Variants in TXNDC16 observed in about 807,000 individuals in gnomAD.
The protein encoded by TXNDC16 is thioredoxin domain containing 16, also known as thioredoxin domain-containing protein 16.
In TXNDC16, 74 loss-of-function variants were observed where a neutral mutation model predicts 85.6. That is an observed-to-expected ratio of 0.86 (90% CI 0.72 to 1.05). The LOEUF is 1.05. Ranked by LOEUF, TXNDC16 falls within the 50% of genes least tolerant of loss-of-function variation. The probability of loss-of-function intolerance (pLI) is 0.00; values close to 1 mark genes in which losing one functional copy is unlikely to be tolerated. For synonymous variants in TXNDC16, 335 were observed against 326.5 expected (o/e 1.03, Z -0.28); for missense variants, 959 against 947.0 (o/e 1.01, Z -0.17).
intron 18 of TXNDC16, among the ~76,000 whole-genome samples, chr14:52,446,252 T>C (rs985452760): frequency 6.6e-6 from 1 of 152,206 alleles, no homozygotes; most frequent in Non-Finnish European, 1.5e-5. Flanking sequence ...AGAATCTATG[T>C]GTTTGGGAGA....
intron 6 of TXNDC16, among the ~76,000 whole-genome samples, chr14:52,530,280 T>TA (rs2037485032): frequency 2.1e-4 from 12 of 57,208 alleles, no homozygotes; most frequent in East Asian, 7.3e-4. Flanking sequence ...TATTATTTAA[T>TA]ATATAATTAT....
At chr14:52,534,773 T>C (rs2037661678) in intron 6 of TXNDC16, among the ~76,000 whole-genome samples, 2 of 152,244 alleles carry the variant, frequency 1.3e-5, no homozygotes, top group African/African-American at 4.8e-5. Context: ...CAACACTAAA[T>C]TCCTACAGAA....
At chr14:52,546,875 A>G (rs1176140223) in intron 1 of TXNDC16, among the ~76,000 whole-genome samples, 2 of 152,230 alleles carry the variant, frequency 1.3e-5, no homozygotes, top group Admixed American at 6.5e-5. Flanking sequence ...TTTATCAGAG[A>G]CTGGAGCTAA....
At chr14:52,457,627 G>C (rs527659178) in intron 16 of TXNDC16, among the ~76,000 whole-genome samples, 129 of 152,236 alleles carry the variant, frequency 8.5e-4, no homozygotes, top group African/African-American at 3.1e-3. Context: ...GAAAATTCTA[G>C]CCCTCTAACA....
chr14:52,493,216 T>TATATATATATATATATATATAC, intron 9 of TXNDC16, among the ~76,000 whole-genome samples: 115 of 115,886 alleles, frequency 9.9e-4, no homozygotes, highest in African/African-American at 3.8e-3. Flanking sequence ...TATATATATA[T>TATATATATATATATATATATAC]ACACACACAC....
At position 52,440,721 on chromosome 14, in the gene TXNDC16, C is replaced by A; in HGVS notation, c.1846G>T (p.Glu616Ter). The A allele has an allele frequency of 6.2e-7, 1 of 1,603,526 alleles. No homozygotes were observed. The highest frequency in any genetic ancestry group is 8.5e-7 in the Non-Finnish European group (1 of 1,177,022). The change falls in exon 19 of 21, where the codon GAA (glutamate) becomes TAA (stop). Residue 616 changes from glutamate (E) to a stop codon, truncating the protein, a stop_gained. Transcript: ENST00000281741. LOFTEE classifies it high-confidence loss of function. ...ITDALLEMFP[E>*]ITVENLPSYF... Reference sequence around the variant, plus strand: ...CTGGGAAGATTTTCCACAGTGATTTCCGGCTGTCAAAGAAAAGGAATAACA... The same window carrying A: ...CTGGGAAGATTTTCCACAGTGATTTACGGCTGTCAAAGAAAAGGAATAACA...
At chr14:52,497,785 G>T (rs1417049596) in intron 9 of TXNDC16, among the ~76,000 whole-genome samples, 1 of 151,054 alleles carries the variant, frequency 6.6e-6, no homozygotes. Context: ...GAAGGCTGAA[G>T]CAGGAGAATC....
intron 6 of TXNDC16, among the ~76,000 whole-genome samples, chr14:52,525,895 C>T (rs1235962874): frequency 2.0e-5 from 3 of 151,932 alleles, no homozygotes; most frequent in Non-Finnish European, 2.9e-5. Flanking sequence ...ATAACCTACA[C>T]ACATCTTCCT....
Position 52,509,976 on chromosome 14 carries a change from G to A in TXNDC16, c.756+1264C>T, listed in dbSNP as rs1424768313. On this transcript the variant is annotated intron_variant, in intron 9 of 20. Transcript: ENST00000281741. ...AGCCTGGGAAACAGAGCGAGACTCC[G>A]TCTCAAGAAATAAAAAAAAAAAAAA... Among the ~76,000 whole-genome samples, 3 of 144,738 alleles carry A rather than the reference G, an allele frequency of 2.1e-5. No individual in the cohort carries two copies. In the South Asian group the frequency reaches 6.9e-4, roughly 33 times the overall value. 95.0% of individuals were successfully genotyped at this position (144,738 alleles called of 152,430 possible).
intron 14 of TXNDC16, among the ~76,000 whole-genome samples, chr14:52,473,562 T>A (rs906532250): frequency 5.9e-5 from 9 of 152,228 alleles, no homozygotes; most frequent in African/African-American, 2.2e-4. Context: ...AAAAGTTATA[T>A]AACTACTTAT....
intron 18 of TXNDC16, among the ~76,000 whole-genome samples, chr14:52,446,471 A>T (rs983665978): frequency 1.3e-5 from 2 of 152,130 alleles, no homozygotes; most frequent in Non-Finnish European, 2.9e-5. Flanking sequence ...CTGGGGCCCA[A>T]ATAAACTTGA....
At chr14:52,500,446 T>G (rs1174182671) in intron 9 of TXNDC16, among the ~76,000 whole-genome samples, 2 of 152,204 alleles carry the variant, frequency 1.3e-5, no homozygotes, top group African/African-American at 4.8e-5. Context: ...TGTCAAGGAC[T>G]GCGGTCAGGT....
intron 1 of TXNDC16, among the ~76,000 whole-genome samples, chr14:52,546,456 C>T (rs770702017): frequency 6.6e-6 from 1 of 152,168 alleles, no homozygotes; most frequent in Non-Finnish European, 1.5e-5. Context: ...CTCCATCCTC[C>T]ACCTCTGGGG....
chr14:52,495,782 T>C (rs1267346173), intron 9 of TXNDC16, among the ~76,000 whole-genome samples: 1 of 152,170 alleles, frequency 6.6e-6, no homozygotes, highest in African/African-American at 2.4e-5. Flanking sequence ...TAATACATCA[T>C]CTACATTTAG....
chr14:52,524,547 G>A (rs765329504), intron 6 of TXNDC16, among the ~76,000 whole-genome samples: 6 of 151,738 alleles, frequency 4.0e-5, no homozygotes, highest in African/African-American at 4.8e-5. Flanking sequence ...CAGGCTGAAC[G>A]GCAAAATCAT....
At chr14:52,515,060 C>G (rs1223554750) in intron 7 of TXNDC16, 90 bp from the exon 8 acceptor site, 2 of 860,476 alleles carry the variant, frequency 2.3e-6, no homozygotes, top group East Asian at 2.6e-5. Context: ...ATCCTACACT[C>G]CTTTATGTTC....
At chr14:52,530,417 A>G (rs1238099591) in intron 6 of TXNDC16, among the ~76,000 whole-genome samples, 35 of 21,446 alleles carry the variant, frequency 1.6e-3, no homozygotes, top group Admixed American at 4.6e-3. Context: ...ATTATTATAT[A>G]ATATTATATA....
intron 9 of TXNDC16, among the ~76,000 whole-genome samples, chr14:52,491,357 T>G (rs2036401981): frequency 1.6e-5 from 2 of 126,870 alleles, no homozygotes; most frequent in Admixed American, 1.7e-4. Flanking sequence ...TTTTTTTTTT[T>G]TTTTTTTTTT....
chr14:52,530,203 T>A lies in TXNDC16; in HGVS notation c.392+6516A>T, dbSNP rs867567662. 1.1e-4 allele frequency among the ~76,000 whole-genome samples: 8 copies of A among 74,654 alleles called. 1 individual carries two copies. Among genetic ancestry groups the A allele is most frequent in the African/African-American group, 4.2e-4 (7 of 16,838 alleles). The allele number at this position is 74,654 out of a possible 152,430, so 49.0% of individuals were successfully genotyped here. A position where few individuals can be genotyped will look rare whatever the true frequency, so the allele number is the denominator to read the frequency against. On this transcript the variant is annotated intron_variant, in intron 6 of 20. Coordinates refer to ENST00000281741, the MANE Select transcript of TXNDC16 (RefSeq NM_020784.3). Reference sequence around the variant, plus strand: ...ATAAATATATTATATTTATATATATTATATTATACAGAATAATATATAATA... The same window carrying A: ...ATAAATATATTATATTTATATATATAATATTATACAGAATAATATATAATA...
Sources: allele counts gnomAD v4.1 joint callset (sites outside exome capture counted in the v4.1 genomes callset), GRCh38; gene constraint gnomAD v4.1.1; transcripts MANE v1.5; gene names NCBI Gene and HGNC (gene_info 2026-07-23, HGNC 2026-07-21).